The following UHRF2 variants were observed in gnomAD, a reference collection of about 807,000 sequenced individuals.
The protein encoded by UHRF2 is E3 ubiquitin-protein ligase UHRF2.
A neutral mutation model predicts 96.8 loss-of-function variants in UHRF2; 23 were observed. The ratio of observed to expected loss-of-function variants is 0.24; its 90% CI spans 0.17 to 0.34. The LOEUF (loss-of-function observed/expected upper bound fraction) is 0.34, where lower values mean the gene tolerates loss of function less well. Ranked by LOEUF, UHRF2 falls within the 10% of genes least tolerant of loss-of-function variation. The probability of loss-of-function intolerance (pLI) is 1.00; values close to 1 mark genes in which losing one functional copy is unlikely to be tolerated. For synonymous variants in UHRF2, 385 were observed against 332.6 expected, an observed-to-expected ratio of 1.16 and a Z score of -1.72; for missense variants, 685 against 981.5, an observed-to-expected ratio of 0.70 and a Z score of 4.04.
chr9:6,482,685 C>T (rs1265799978), intron 8 of UHRF2, among the ~76,000 whole-genome samples: 2 of 151,642 alleles, frequency 1.3e-5, no homozygotes, highest in African/African-American at 2.4e-5. Flanking sequence ...CAAGCTCTGC[C>T]TCGTGGGTTC....
chr9:6,439,224 G>C (rs1821018510), intron 3 of UHRF2, among the ~76,000 whole-genome samples: 1 of 152,146 alleles, frequency 6.6e-6, no homozygotes, highest in South Asian at 2.1e-4. Context: ...CTGCTCTATG[G>C]CTTGGGCTGG....
chr9:6,481,899 A>G, intron 7 of UHRF2, 93 bp from the exon 8 acceptor site: 3 of 1,539,976 alleles, frequency 1.9e-6, no homozygotes, highest in Non-Finnish European at 1.8e-6. Flanking sequence ...TAAATTACAT[A>G]AACAGTTGGG....
At chr9:6,420,067 T>G (rs1485482923) in intron 1 of UHRF2, among the ~76,000 whole-genome samples, 1 of 151,802 alleles carries the variant, frequency 6.6e-6, no homozygotes, top group East Asian at 1.9e-4. Flanking sequence ...CACCTTTTTT[T>G]TTTTCTTTTT....
chr9:6,466,712 A>G (rs1456175110), intron 4 of UHRF2, among the ~76,000 whole-genome samples: 1 of 152,212 alleles, frequency 6.6e-6, no homozygotes, highest in East Asian at 1.9e-4. Flanking sequence ...CTTAATATGC[A>G]TATCAAGTTG....
At chr9:6,504,943 AG>A (rs1816506627) in intron 15 of UHRF2, among the ~76,000 whole-genome samples, 1 of 152,172 alleles carries the variant, frequency 6.6e-6, no homozygotes, top group South Asian at 2.1e-4. Flanking sequence ...ATGGGAAAGA[AG>A]GTAAGAGGTC....
intron 13 of UHRF2, among the ~76,000 whole-genome samples, 197 bp downstream of exon 13, chr9:6,500,128 T>C (rs1816208522): frequency 6.6e-6 from 1 of 151,928 alleles, no homozygotes; most frequent in Admixed American, 6.6e-5. Flanking sequence ...CCACCACACC[T>C]GGCTAATTTT....
At chr9:6,414,426 C>T (rs140392065) in intron 1 of UHRF2, among the ~76,000 whole-genome samples, 2 of 152,232 alleles carry the variant, frequency 1.3e-5, no homozygotes, top group Admixed American at 6.5e-5. Context: ...ACGCTTTAAG[C>T]ATAGCACTGC....
At chr9:6,431,161 C>G (rs989401963) in intron 2 of UHRF2, among the ~76,000 whole-genome samples, 1 of 152,148 alleles carries the variant, frequency 6.6e-6, no homozygotes, top group Non-Finnish European at 1.5e-5. Context: ...GCATCTTGGC[C>G]TATTCAAATT....
At position 6,426,231 on chromosome 9, in the gene UHRF2, G is replaced by A. The variant is rs1017678957; in HGVS notation, c.384+5089G>A. ...TATTTTCAGTGTTAGTGCTTTGGCT[G>A]TGAACTACAGAATTTAAACTCTATT... On this transcript the variant is annotated intron_variant, in intron 2 of 15. Coordinates refer to ENST00000276893, the MANE Select transcript of UHRF2 (RefSeq NM_152896.3). Among the ~76,000 whole-genome samples the A allele has an allele frequency of 2.6e-5, 4 of 152,206 alleles. No homozygotes were observed. In the East Asian group the frequency reaches 7.7e-4, roughly 29 times the overall value.
At chr9:6,456,718 A>G (rs902721889) in intron 3 of UHRF2, among the ~76,000 whole-genome samples, 1 of 152,176 alleles carries the variant, frequency 6.6e-6, no homozygotes, top group African/African-American at 2.4e-5. Context: ...TATAAGGTGT[A>G]AGGAAAGGGT....
chr9:6,504,968 G>A (rs988699112), intron 15 of UHRF2, among the ~76,000 whole-genome samples: 1 of 152,148 alleles, frequency 6.6e-6, no homozygotes, highest in African/African-American at 2.4e-5. Flanking sequence ...GCTCTTGTCT[G>A]TAATAGCTTA....
At chr9:6,459,498 G>A (rs1191764212) in intron 3 of UHRF2, among the ~76,000 whole-genome samples, 2 of 152,034 alleles carry the variant, frequency 1.3e-5, no homozygotes, top group Non-Finnish European at 2.9e-5. Context: ...GCAAAACCCC[G>A]TCTCTACTAA....
At chr9:6,457,342 T>G (rs1822244684) in intron 3 of UHRF2, among the ~76,000 whole-genome samples, 1 of 152,238 alleles carries the variant, frequency 6.6e-6, no homozygotes, top group Non-Finnish European at 1.5e-5. Context: ...GCTTGTGATT[T>G]TTGCACATTG....
At position 6,498,113 on chromosome 9, in the gene UHRF2, C is replaced by A; in HGVS notation, c.1863C>A (p.Thr621=). The stretch of plus-strand genomic sequence containing the variant: ...ATGATGTTGAACCTGCTCCTTGGAC[C>A]TCTGAAGGAATAGAACGGTCAAGGA... The part of the protein sequence containing the change: ...RRDDVEPAPW[T]SEGIERSRRL... Residue 621 remains threonine (T), a synonymous_variant, in exon 12 of 16, where the codon ACC becomes ACA. Transcript: ENST00000276893. 1 of 1,613,978 alleles carries A rather than the reference C, an allele frequency of 6.2e-7. No homozygotes were observed. Among genetic ancestry groups the A allele is most frequent in the Non-Finnish European group, 8.5e-7 (1 of 1,179,946 alleles).
chr9:6,446,002 C>CG (rs1587804646), intron 3 of UHRF2, among the ~76,000 whole-genome samples: 1 of 36,792 alleles, frequency 2.7e-5, no homozygotes, highest in East Asian at 1.1e-3. Context: ...TTTTTTTTTC[C>CG]TGTTTTTGAG....
Position 6,468,366 on chromosome 9 carries a change from T to G in UHRF2, c.864-7025T>G, listed in dbSNP as rs1345249270. The G allele has an allele frequency of 1.3e-5, 6 of 446,082 alleles. No individual in the cohort carries two copies. In the East Asian group the frequency reaches 4.2e-4, roughly 31 times the overall value. 27.6% of individuals were successfully genotyped at this position (446,082 alleles called of 1,614,324 possible). A position where few individuals can be genotyped will look rare whatever the true frequency, so the allele number is the denominator to read the frequency against. ...CTGTTTGCAGGTAGGGTGGGACAGCTGGCAGTAGATTAGTGCTTTTAGCTA... is the reference window on the plus strand; with the variant it reads ...CTGTTTGCAGGTAGGGTGGGACAGCGGGCAGTAGATTAGTGCTTTTAGCTA... On this transcript the variant is annotated intron_variant, in intron 4 of 15. Coordinates refer to ENST00000276893, the MANE Select transcript of UHRF2 (RefSeq NM_152896.3).
chr9:6,445,154 T>C (rs1821412725), intron 3 of UHRF2, among the ~76,000 whole-genome samples: 1 of 126,416 alleles, frequency 7.9e-6, no homozygotes, highest in Non-Finnish European at 1.7e-5. Flanking sequence ...AAAAAAAAGA[T>C]TTTGGTTTGA....
At chr9:6,423,674 G>A (rs931085991) in intron 2 of UHRF2, among the ~76,000 whole-genome samples, 2 of 150,034 alleles carry the variant, frequency 1.3e-5, no homozygotes, top group Non-Finnish European at 2.9e-5. Flanking sequence ...GGCCGGGCGT[G>A]GTGGCTCACA....
chr9:6,448,210 A>G (rs1456263568), intron 3 of UHRF2, among the ~76,000 whole-genome samples: 1 of 152,218 alleles, frequency 6.6e-6, no homozygotes, highest in Admixed American at 6.5e-5. Flanking sequence ...ACAGTTTTAC[A>G]ACTGTGTAGG....
Sources: allele counts gnomAD v4.1 joint callset (sites outside exome capture counted in the v4.1 genomes callset), GRCh38; gene constraint gnomAD v4.1.1; transcripts MANE v1.5; gene names NCBI Gene and HGNC (gene_info 2026-07-23, HGNC 2026-07-21).